The following GART variants were observed in gnomAD, a reference collection of about 807,000 sequenced individuals.
The protein encoded by GART is phosphoribosylglycinamide formyltransferase, phosphoribosylglycinamide synthetase, phosphoribosylaminoimidazole synthetase.
In GART, 43 loss-of-function variants were observed where a neutral mutation model predicts 107.2. That is an observed-to-expected ratio of 0.40 (90% CI 0.31 to 0.52). The LOEUF is 0.52. GART is among the 20% of genes least tolerant of loss of function. The pLI, the probability that GART is intolerant of heterozygous loss-of-function variation, is 0.52. For synonymous variants in GART, 434 were observed against 427.0 expected, an observed-to-expected ratio of 1.02 and a Z score of -0.20; for missense variants, 1,107 against 1,206.5, an observed-to-expected ratio of 0.92 and a Z score of 1.22.
chr21:33,530,117 A>G (rs2085155348), intron 7 of GART, among the ~76,000 whole-genome samples: 1 of 152,188 alleles, frequency 6.6e-6, no homozygotes, highest in Non-Finnish European at 1.5e-5. Context: ...ACTTGAACCC[A>G]GGAGGTGGAG....
chr21:33,532,492 C>A (rs773630694), intron 4 of GART, 36 bp from the exon 5 acceptor site: 3 of 1,443,912 alleles, frequency 2.1e-6, no homozygotes, highest in Admixed American at 3.4e-5. Flanking sequence ...ATCCAATAAA[C>A]CATTACAACT....
intron 7 of GART, among the ~76,000 whole-genome samples, 165 bp from the exon 8 acceptor site, chr21:33,529,102 A>G (rs1338134855): frequency 6.6e-6 from 1 of 152,220 alleles, no homozygotes; most frequent in Non-Finnish European, 1.5e-5. Flanking sequence ...CAATCCTCAC[A>G]ATGACTCTGT....
intron 16 of GART, among the ~76,000 whole-genome samples, chr21:33,516,022 C>A (rs1160683493): frequency 6.6e-6 from 1 of 151,566 alleles, no homozygotes; most frequent in African/African-American, 2.4e-5. Flanking sequence ...CTGAGGCGGG[C>A]GGATCACTTG....
intron 2 of GART, among the ~76,000 whole-genome samples, chr21:33,536,580 C>T (rs1569036510): frequency 2.6e-5 from 4 of 152,174 alleles, no homozygotes; most frequent in Admixed American, 6.5e-5. Context: ...TACATAAACA[C>T]CTATGATAAA....
intron 18 of GART, among the ~76,000 whole-genome samples, chr21:33,508,341 A>T (rs1392792125): frequency 6.6e-6 from 1 of 151,810 alleles, no homozygotes; most frequent in African/African-American, 2.4e-5. Context: ...AAAAAAAAAA[A>T]TTTTAGATTC....
At chr21:33,518,062 ATCATG>A (rs1336779411) in intron 14 of GART, among the ~76,000 whole-genome samples, 4 of 152,246 alleles carry the variant, frequency 2.6e-5, no homozygotes, top group African/African-American at 9.6e-5. Context: ...TTACAATTAT[ATCATG>A]TCAAGATATA....
intron 9 of GART, 79 bp downstream of exon 9, chr21:33,528,440 A>G: frequency 1.3e-6 from 2 of 1,546,462 alleles, no homozygotes; most frequent in Non-Finnish European, 1.8e-6. Context: ...CCCAAAGGTA[A>G]TTACTTCCAG....
intron 16 of GART, among the ~76,000 whole-genome samples, chr21:33,512,663 A>G (rs1346409325): frequency 6.6e-6 from 1 of 151,928 alleles, no homozygotes; most frequent in Non-Finnish European, 1.5e-5. Context: ...AACACGGCTC[A>G]CTGTAGCCTT....
At chr21:33,506,638 G>A (rs2145673138) in intron 18 of GART, among the ~76,000 whole-genome samples, 1 of 152,274 alleles carries the variant, frequency 6.6e-6, no homozygotes, top group Non-Finnish European at 1.5e-5. Context: ...ACAACCCACA[G>A]AATGGTAGAA....
At position 33,528,913 on chromosome 21, in the gene GART, T is replaced by C; in HGVS notation, c.748A>G (p.Ile250Val). The C allele has an allele frequency of 6.2e-7, 1 of 1,612,518 alleles. No homozygotes were observed. The highest frequency in any genetic ancestry group is 8.5e-7 in the Non-Finnish European group (1 of 1,178,580). Residue 250 changes from isoleucine (I) to valine (V), a missense_variant, in exon 8 of 22, where the codon ATT (isoleucine) becomes GTT (valine). Coordinates refer to ENST00000381815, the MANE Select transcript of GART (RefSeq NM_000819.5). Reference protein sequence around the residue: ...PQVSNDLLLKIKDTVLQRTVD... With the variant: ...PQVSNDLLLKVKDTVLQRTVD... Reference sequence around the variant, plus strand: ...GTCCTCTGAAGAACAGTATCTTTAATTTTTAGTAATAGATCATTAGAAACC... The same window carrying C: ...GTCCTCTGAAGAACAGTATCTTTAACTTTTAGTAATAGATCATTAGAAACC...
At chr21:33,530,102 G>A (rs1257689689) in intron 7 of GART, among the ~76,000 whole-genome samples, 4 of 152,200 alleles carry the variant, frequency 2.6e-5, no homozygotes, top group African/African-American at 9.6e-5. Context: ...TGAGGCAGGA[G>A]AATCACTTGA....
intron 11 of GART, chr21:33,524,193 G>C: frequency 3.0e-6 from 3 of 985,264 alleles, no homozygotes; most frequent in Non-Finnish European, 3.6e-6. Flanking sequence ...CTCATCTTCA[G>C]TTCTTTGATA....
rs568721250 is a variant in GART at position 33,524,419 on chromosome 21, C to T, written c.1298+350G>A. ...CAAAAAAATTAGCCAGGTGTGGTGG[C>T]CTGTGCCTGTAGTCCCAGCTATTTG... On this transcript the variant is annotated intron_variant, in intron 11 of 21. Transcript: ENST00000381815. The T allele has an allele frequency of 1.4e-5, 8 of 576,504 alleles. No individual in the cohort carries two copies. In the African/African-American group the frequency reaches 1.4e-4, roughly 10 times the overall value. The allele number at this position is 576,504 out of a possible 1,614,324, so 35.7% of individuals were successfully genotyped here.
At chr21:33,541,090 C>T (rs371285209) in intron 1 of GART, among the ~76,000 whole-genome samples, 2 of 151,732 alleles carry the variant, frequency 1.3e-5, no homozygotes, top group East Asian at 1.9e-4. Context: ...TTTAGTGTAA[C>T]GGGAAAACAC....
intron 14 of GART, among the ~76,000 whole-genome samples, chr21:33,519,452 G>A (rs954161812): frequency 1.3e-5 from 2 of 151,930 alleles, no homozygotes; most frequent in East Asian, 1.9e-4. Context: ...TACTCGGGAG[G>A]CTGAGGCAGG....
chr21:33,516,271 AAAG>A (rs2084877800), intron 16 of GART, among the ~76,000 whole-genome samples: 2 of 151,570 alleles, frequency 1.3e-5, no homozygotes, highest in South Asian at 2.1e-4. Flanking sequence ...AAAAAAAAGA[AAAG>A]AAAAAAATCC....
chr21:33,526,263 TG>T (rs1197269002), intron 10 of GART, among the ~76,000 whole-genome samples: 7 of 151,980 alleles, frequency 4.6e-5, no homozygotes, highest in African/African-American at 1.5e-4. Flanking sequence ...CTCTACCTCC[TG>T]GGTTCAAGCC....
chr21:33,533,197 T>C (rs2085227636), intron 4 of GART, among the ~76,000 whole-genome samples: 2 of 152,034 alleles, frequency 1.3e-5, no homozygotes, highest in African/African-American at 4.8e-5. Context: ...CCCAGCACTT[T>C]GGGAGGCCGA....
intron 11 of GART, 113 bp downstream of exon 11, chr21:33,524,656 T>A: frequency 6.6e-7 from 1 of 1,505,332 alleles, no homozygotes; most frequent in Admixed American, 2.3e-5. Context: ...ACTGTATCAC[T>A]CCCACAGAGA....
Sources: gnomAD v4.1 joint callset for allele counts (sites outside exome capture counted in the v4.1 genomes callset) on GRCh38, gnomAD v4.1.1 for gene constraint, MANE v1.5 for transcripts, NCBI Gene and HGNC (gene_info 2026-07-23, HGNC 2026-07-21) for gene names.